Variants in SNTG1 observed in about 807,000 individuals in gnomAD.
SNTG1 encodes gamma-1-syntrophin.
SNTG1 carries 39 observed loss-of-function variants against 74.7 expected under a neutral mutation model. That is an observed-to-expected ratio of 0.52 (90% CI 0.40 to 0.68). SNTG1 has a LOEUF of 0.68. Among genes scored for constraint, SNTG1 ranks in the 30% least tolerant of loss-of-function variants. SNTG1 has a pLI of 0.00. For synonymous variants in SNTG1, 254 were observed against 217.1 expected (o/e 1.17, Z -1.49); for missense variants, 685 against 609.5 (o/e 1.12, Z -1.30).
intron 1 of SNTG1, among the ~76,000 whole-genome samples, chr8:50,105,256 A>G (rs568849996): frequency 6.6e-6 from 1 of 152,142 alleles, no homozygotes; most frequent in African/African-American, 2.4e-5. Flanking sequence ...ATGGGCAGCC[A>G]GTTATTTCAG....
At chr8:50,087,857 T>C (rs1451588189) in intron 1 of SNTG1, among the ~76,000 whole-genome samples, 1 of 151,120 alleles carries the variant, frequency 6.6e-6, no homozygotes, top group Non-Finnish European at 1.5e-5. Context: ...TGTATACATG[T>C]GCCATGCTGG....
intron 1 of SNTG1, among the ~76,000 whole-genome samples, chr8:50,047,525 T>A (rs1280377959): frequency 1.3e-5 from 2 of 152,186 alleles, no homozygotes; most frequent in Non-Finnish European, 2.9e-5. Context: ...CATAAAAAGC[T>A]ATTTTAATTA....
At chr8:50,499,112 C>CCA (rs2093929092) in intron 8 of SNTG1, among the ~76,000 whole-genome samples, 1 of 151,456 alleles carries the variant, frequency 6.6e-6, no homozygotes. Context: ...TTTTAAATTT[C>CCA]CACATGAATT....
intron 1 of SNTG1, among the ~76,000 whole-genome samples, chr8:50,073,553 T>C (rs1396199434): frequency 6.6e-6 from 1 of 152,130 alleles, no homozygotes; most frequent in African/African-American, 2.4e-5. Flanking sequence ...ATTAATGACA[T>C]TTGGAATGAT....
At chr8:50,017,367 A>T (rs547494650) in intron 1 of SNTG1, among the ~76,000 whole-genome samples, 10 of 152,194 alleles carry the variant, frequency 6.6e-5, no homozygotes, top group Non-Finnish European at 1.3e-4. Flanking sequence ...AGAAATTTTT[A>T]AAAATAAGGC....
At chr8:50,662,626 C>T (rs1367194559) in intron 15 of SNTG1, among the ~76,000 whole-genome samples, 1 of 152,196 alleles carries the variant, frequency 6.6e-6, no homozygotes, top group Non-Finnish European at 1.5e-5. Context: ...TACACTGTCT[C>T]TGTCTCTCAG....
At chr8:50,409,691 C>A (rs1001863583) in intron 4 of SNTG1, among the ~76,000 whole-genome samples, 1 of 152,204 alleles carries the variant, frequency 6.6e-6, no homozygotes, top group Non-Finnish European at 1.5e-5. Flanking sequence ...ATATCTGTGG[C>A]TGTTCTCATG....
At position 50,008,862 on chromosome 8, in the gene SNTG1, C is replaced by T. The variant is rs545200685; in HGVS notation, c.-103+96631C>T. Among the ~76,000 whole-genome samples the T allele has an allele frequency of 3.7e-4, 57 of 152,136 alleles. 1 individual carries two copies. In the South Asian group the frequency reaches 0.012, roughly 31 times the overall value. ...TTACTTAAATGCATGCTATATCTAGCTTGTTCATAGTTGCAAAATCAAATC... is the reference window on the plus strand; with the variant it reads ...TTACTTAAATGCATGCTATATCTAGTTTGTTCATAGTTGCAAAATCAAATC... On this transcript the variant is annotated intron_variant, in intron 1 of 18. Coordinates refer to ENST00000642720, the MANE Select transcript of SNTG1 (RefSeq NM_018967.5).
intron 18 of SNTG1, among the ~76,000 whole-genome samples, chr8:50,763,060 G>T (rs2095603571): frequency 6.6e-6 from 1 of 151,844 alleles, no homozygotes; most frequent in Non-Finnish European, 1.5e-5. Flanking sequence ...AGTCATCAAT[G>T]ATACTTCAGG....
chr8:50,578,804 G>A (rs750664655), intron 12 of SNTG1, among the ~76,000 whole-genome samples: 9 of 152,136 alleles, frequency 5.9e-5, no homozygotes, highest in Non-Finnish European at 8.8e-5. Context: ...TAGCCGTGCT[G>A]AACTGTGAGT....
At chr8:50,225,703 A>G (rs966060973) in intron 2 of SNTG1, among the ~76,000 whole-genome samples, 10 of 152,228 alleles carry the variant, frequency 6.6e-5, no homozygotes, top group Non-Finnish European at 1.0e-4. Flanking sequence ...CTATATTAAA[A>G]ATAGGGAGGA....
chr8:50,371,743 T>C (rs1320365901), intron 2 of SNTG1, among the ~76,000 whole-genome samples: 1 of 152,226 alleles, frequency 6.6e-6, no homozygotes, highest in East Asian at 1.9e-4. Context: ...TTTATAATTA[T>C]TACATCACAT....
intron 2 of SNTG1, among the ~76,000 whole-genome samples, chr8:50,330,026 A>C (rs1317145085): frequency 6.6e-6 from 1 of 152,170 alleles, no homozygotes; most frequent in Admixed American, 6.5e-5. Context: ...TATCCATTTG[A>C]GACCACCTCA....
chr8:50,473,945 G>T (rs1388933447), intron 8 of SNTG1, among the ~76,000 whole-genome samples: 1 of 151,980 alleles, frequency 6.6e-6, no homozygotes, highest in East Asian at 1.9e-4. Context: ...TGTTTTAGGG[G>T]TATAGAATTT....
chr8:50,589,212 G>T (rs1286397559), intron 12 of SNTG1, among the ~76,000 whole-genome samples: 1 of 152,136 alleles, frequency 6.6e-6, no homozygotes, highest in Admixed American at 6.5e-5. Context: ...TCACATATCA[G>T]TTAATAAGTT....
chr8:50,666,667 A>T (rs769575332), intron 15 of SNTG1, among the ~76,000 whole-genome samples: 1 of 152,156 alleles, frequency 6.6e-6, no homozygotes, highest in African/African-American at 2.4e-5. Flanking sequence ...TATAGAGACA[A>T]CACAGTAAAT....
chr8:50,049,756 T>C (rs1819410280), intron 1 of SNTG1, among the ~76,000 whole-genome samples: 1 of 152,106 alleles, frequency 6.6e-6, no homozygotes, highest in Non-Finnish European at 1.5e-5. Context: ...ATACAAAGTA[T>C]AATTTTAGAC....
intron 1 of SNTG1, among the ~76,000 whole-genome samples, chr8:50,075,976 T>C (rs759775970): frequency 6.6e-6 from 1 of 152,168 alleles, no homozygotes; most frequent in African/African-American, 2.4e-5. Flanking sequence ...GCTTCATTCT[T>C]GAAGTCAGTG....
At chr8:50,116,360 T>A (rs547271817) in intron 1 of SNTG1, among the ~76,000 whole-genome samples, 21 of 152,258 alleles carry the variant, frequency 1.4e-4, no homozygotes, top group Non-Finnish European at 2.6e-4. Flanking sequence ...ATAAAATTTG[T>A]CTTTCTTGAT....
Sources: allele counts gnomAD v4.1 joint callset (sites outside exome capture counted in the v4.1 genomes callset), GRCh38; gene constraint gnomAD v4.1.1; transcripts MANE v1.5; gene names NCBI Gene and HGNC (gene_info 2026-07-23, HGNC 2026-07-21).